Variants in OSBP observed in about 807,000 individuals in gnomAD.
OSBP encodes oxysterol-binding protein 1.
In OSBP, 32 loss-of-function variants were observed where a neutral mutation model predicts 96.6. That is an observed-to-expected ratio of 0.33 (90% CI 0.25 to 0.45). The LOEUF is 0.45. OSBP is among the 20% of genes least tolerant of loss of function. The probability of loss-of-function intolerance (pLI) is 1.00; values close to 1 mark genes in which losing one functional copy is unlikely to be tolerated. For missense variants in OSBP, 653 were observed against 1,029.7 expected, an observed-to-expected ratio of 0.63 and a Z score of 5.01; for synonymous variants, 369 against 389.6, an observed-to-expected ratio of 0.95 and a Z score of 0.62.
intron 9 of OSBP, among the ~76,000 whole-genome samples, chr11:59,583,304 G>A (rs1462453692): frequency 1.3e-5 from 2 of 151,940 alleles, no homozygotes; most frequent in African/African-American, 2.4e-5. Flanking sequence ...AGAGCAAGTC[G>A]CTGTCTCAAA....
At chr11:59,612,521 T>C (rs527853891) in intron 1 of OSBP, among the ~76,000 whole-genome samples, 7 of 152,324 alleles carry the variant, frequency 4.6e-5, no homozygotes, top group African/African-American at 7.2e-5. Flanking sequence ...TGGGTCATCA[T>C]TGTAAACTAA....
intron 1 of OSBP, among the ~76,000 whole-genome samples, chr11:59,614,683 G>A (rs1860898601): frequency 6.6e-6 from 1 of 152,200 alleles, no homozygotes; most frequent in East Asian, 1.9e-4. Context: ...AGCAGCACTG[G>A]GGTGCACATC....
At position 59,576,078 on chromosome 11, in the gene OSBP, T is replaced by C. The variant is rs1860358427; in HGVS notation, c.*499A>G. 1 of 156,864 alleles carries C rather than the reference T, an allele frequency of 6.4e-6. No individual in the cohort carries two copies. Among genetic ancestry groups the C allele is most frequent in the Non-Finnish European group, 1.4e-5 (1 of 70,994 alleles). The allele number at this position is 156,864 out of a possible 1,614,324, so 9.7% of individuals were successfully genotyped here. ...CGCGTGTGAACACACTTGATGATGT[T>C]ATACCTAAGCTCCACTGCAACCATT... On this transcript the variant is annotated 3_prime_UTR_variant, in exon 14 of 14. Transcript: ENST00000263847.
At chr11:59,580,873 T>G (rs1860412516) in intron 10 of OSBP, among the ~76,000 whole-genome samples, 1 of 152,228 alleles carries the variant, frequency 6.6e-6, no homozygotes, top group Non-Finnish European at 1.5e-5. Flanking sequence ...AAGATTCAGC[T>G]TAACTCCCAC....
chr11:59,601,373 G>C lies in OSBP; in HGVS notation c.1034C>G (p.Ser345Cys). 6.2e-7 allele frequency: 1 copy of C among 1,609,762 alleles called. No individual in the cohort carries two copies. Among genetic ancestry groups the C allele is most frequent in the African/African-American group, 1.3e-5 (1 of 74,944 alleles). ...NVGSGKDQCC[S>C]GKGDMSDEDD... ...TTCATCGCTCATGTCCCCTTTGCCAGAGCAGCACTGATCTACAAGAAGAAA... is the reference window on the plus strand; with the variant it reads ...TTCATCGCTCATGTCCCCTTTGCCACAGCAGCACTGATCTACAAGAAGAAA... Residue 345 changes from serine to cysteine, a missense_variant, in exon 5 of 14, where the codon TCT (serine) becomes TGT (cysteine). Physicochemically the swap from Ser to Cys is moderately radical, Grantham distance 112 (BLOSUM62 -1). Transcript: ENST00000263847.
rs756005928 is a variant in OSBP at position 59,608,569 on chromosome 11, T to C, written c.737A>G (p.Lys246Arg). The C allele has an allele frequency of 3.1e-6, 5 of 1,614,160 alleles. No homozygotes were observed. In the Admixed American group the frequency reaches 8.3e-5, roughly 27 times the overall value. ...CTTTTCATTGCTCTCAGCAGGCAAC[T>C]TCAGGGACTCCAGCTCACTGAGAGA... ...QRSLSELESL[K>R]LPAESNEKIK... The change falls in exon 3 of 14, where the codon AAG (lysine) becomes AGG (arginine). Residue 246 changes from lysine (K) to arginine (R), a missense_variant. Lys to Arg is a conservative substitution (Grantham distance 26, BLOSUM62 2). Transcript: ENST00000263847.
chr11:59,579,322 A>ACTTT (rs1286295382), intron 11 of OSBP, among the ~76,000 whole-genome samples: 7 of 145,444 alleles, frequency 4.8e-5, no homozygotes, highest in African/African-American at 7.6e-5. Context: ...TTTCCCATTT[A>ACTTT]CTTTCTTTCT....
chr11:59,605,488 C>T (rs1860771284), intron 3 of OSBP, among the ~76,000 whole-genome samples: 1 of 152,148 alleles, frequency 6.6e-6, no homozygotes, highest in African/African-American at 2.4e-5. Context: ...TCTCAGCTCA[C>T]TGCAACCTCC....
At position 59,580,275 on chromosome 11, in the gene OSBP, A is replaced by T. The variant is rs760100714; in HGVS notation, c.1783-6T>A. 1 of 1,587,922 alleles carries T rather than the reference A, an allele frequency of 6.3e-7. No individual in the cohort carries two copies. The highest frequency in any genetic ancestry group is 1.3e-5 in the African/African-American group (1 of 74,352). On this transcript the variant is annotated splice_region_variant and splice_polypyrimidine_tract_variant and intron_variant, in intron 10 of 13. Transcript: ENST00000263847. The stretch of plus-strand genomic sequence containing the variant: ...ACAATATCAATTTCGCCAGACTGTA[A>T]AATGAAAAAATTCAGTTTTATTAAG...
intron 1 of OSBP, among the ~76,000 whole-genome samples, chr11:59,613,916 A>G (rs1352668051): frequency 6.6e-6 from 1 of 152,336 alleles, no homozygotes; most frequent in Non-Finnish European, 1.5e-5. Flanking sequence ...GAGTTGATGG[A>G]AAAGAGACTT....
chr11:59,606,513 T>A (rs74649080), intron 3 of OSBP, among the ~76,000 whole-genome samples: 7,092 of 149,452 alleles, frequency 0.047, 363 homozygotes, highest in Admixed American at 0.13. Flanking sequence ...ACAGAAACAA[T>A]AAACACTAGG....
In OSBP at chr11:59,601,656, A is replaced by G. The variant is rs986556237; in HGVS notation, c.1005T>C (p.Asn335=). 4 of 1,612,600 alleles carry G rather than the reference A, an allele frequency of 2.5e-6. No individual in the cohort carries two copies. The highest frequency in any genetic ancestry group is 3.4e-6 in the Non-Finnish European group (4 of 1,179,986). Residue 335 remains asparagine (N), a synonymous_variant, in exon 4 of 14, where the codon AAT becomes AAC. Transcript: ENST00000263847. The part of the protein sequence containing the change: ...ATVLPANTPG[N]VGSGKDQCCS... ...GTGTCTTACCTTTACCAGAACCCAC[A>G]TTGCCAGGAGTGTTTGCCGGCAGCA...
chr11:59,599,999 AG>A (rs1333090786), intron 7 of OSBP, among the ~76,000 whole-genome samples: 3 of 152,208 alleles, frequency 2.0e-5, no homozygotes, highest in African/African-American at 7.2e-5. Flanking sequence ...GACAGACTGG[AG>A]GAAGACATGA....
At chr11:59,596,727 C>T (rs747815009) in intron 7 of OSBP, among the ~76,000 whole-genome samples, 4 of 152,076 alleles carry the variant, frequency 2.6e-5, no homozygotes, top group Non-Finnish European at 4.4e-5. Context: ...GAATGTAAAA[C>T]ATCAAGGCAG....
At chr11:59,615,213 T>A in intron 1 of OSBP, 90 bp downstream of exon 1, 1 of 1,130,408 alleles carries the variant, frequency 8.8e-7, no homozygotes, top group Non-Finnish European at 1.3e-6. Flanking sequence ...CAACCCTGGC[T>A]GCGGTGCCGG....
At chr11:59,608,905 T>C (rs1049382686) in intron 2 of OSBP, among the ~76,000 whole-genome samples, 171 bp from the exon 3 acceptor site, 2 of 152,200 alleles carry the variant, frequency 1.3e-5, no homozygotes, top group East Asian at 3.9e-4. Flanking sequence ...ACAGATCACC[T>C]GCACCACAAA....
At chr11:59,585,320 C>T (rs1456916010) in intron 9 of OSBP, among the ~76,000 whole-genome samples, 3 of 150,548 alleles carry the variant, frequency 2.0e-5, no homozygotes, top group East Asian at 4.0e-4. Context: ...CGCCTCTGCC[C>T]GGCCGCGACC....
chr11:59,611,697 A>C (rs1395016426), intron 1 of OSBP, among the ~76,000 whole-genome samples: 1 of 152,178 alleles, frequency 6.6e-6, no homozygotes, highest in East Asian at 1.9e-4. Flanking sequence ...GGGAACTCCT[A>C]AGCCGTCTAT....
intron 3 of OSBP, among the ~76,000 whole-genome samples, chr11:59,606,980 T>C (rs1226575292): frequency 6.6e-6 from 1 of 152,114 alleles, no homozygotes; most frequent in Non-Finnish European, 1.5e-5. Context: ...TCTGGACACT[T>C]AGAACTTAGG....
Sources: gnomAD v4.1 joint callset for allele counts (sites outside exome capture counted in the v4.1 genomes callset) on GRCh38, gnomAD v4.1.1 for gene constraint, MANE v1.5 for transcripts, NCBI Gene and HGNC (gene_info 2026-07-23, HGNC 2026-07-21) for gene names.